The following DLGAP2 variants were observed in gnomAD, a reference collection of about 807,000 sequenced individuals.
The protein encoded by DLGAP2 is disks large-associated protein 2.
DLGAP2 carries 26 observed loss-of-function variants against 100.3 expected under a neutral mutation model. The ratio of observed to expected loss-of-function variants is 0.26; its 90% CI spans 0.19 to 0.36. DLGAP2 has a LOEUF of 0.36. Ranked by LOEUF, DLGAP2 falls within the 10% of genes least tolerant of loss-of-function variation. DLGAP2 has a pLI of 1.00. For missense variants in DLGAP2, 1,858 were observed against 1,453.2 expected (o/e 1.28, Z -4.53); for synonymous variants, 886 against 630.1 (o/e 1.41, Z -6.08).
intron 1 of DLGAP2, among the ~76,000 whole-genome samples, chr8:796,351 C>T (rs142074855): frequency 5.2e-4 from 79 of 152,278 alleles, no homozygotes; most frequent in African/African-American, 1.9e-3. Flanking sequence ...TCTTCTGTCA[C>T]GGCCCCTCCG....
intron 2 of DLGAP2, among the ~76,000 whole-genome samples, chr8:1,229,708 G>T (rs1048138884): frequency 4.6e-5 from 7 of 152,102 alleles, no homozygotes; most frequent in African/African-American, 1.7e-4. Context: ...TGCAAGGTTG[G>T]TTCAGTGCAC....
intron 2 of DLGAP2, among the ~76,000 whole-genome samples, chr8:1,176,742 T>G (rs1797267708): frequency 6.6e-6 from 1 of 152,094 alleles, no homozygotes; most frequent in Non-Finnish European, 1.5e-5. Context: ...CAGCCCCGTC[T>G]GCTGGTCCAG....
intron 2 of DLGAP2, among the ~76,000 whole-genome samples, chr8:1,156,906 C>CT (rs1396065117): frequency 7.2e-5 from 11 of 152,146 alleles, no homozygotes; most frequent in African/African-American, 2.4e-4. Context: ...AAGGCCCTGC[C>CT]GTCCACTCAG....
chr8:1,647,609 C>T (rs1006808884), intron 8 of DLGAP2, among the ~76,000 whole-genome samples: 11 of 150,240 alleles, frequency 7.3e-5, no homozygotes, highest in South Asian at 4.3e-4. Context: ...GAACACATTC[C>T]TATGAGATTC....
chr8:799,893 G>A (rs1437574245), intron 1 of DLGAP2, among the ~76,000 whole-genome samples: 3 of 152,124 alleles, frequency 2.0e-5, no homozygotes, highest in African/African-American at 4.8e-5. Context: ...CACAGCTCCC[G>A]GCCCCTCACT....
chr8:1,274,387 G>A (rs1183140161), intron 3 of DLGAP2, among the ~76,000 whole-genome samples: 1 of 151,980 alleles, frequency 6.6e-6, no homozygotes, highest in African/African-American at 2.4e-5. Flanking sequence ...AAGCCAACAT[G>A]TATAAGAATA....
At chr8:1,209,568 T>C (rs1798062645) in intron 2 of DLGAP2, among the ~76,000 whole-genome samples, 1 of 152,198 alleles carries the variant, frequency 6.6e-6, no homozygotes, top group South Asian at 2.1e-4. Flanking sequence ...TAAATTCCTA[T>C]GTTGAAGCCC....
chr8:1,077,743 C>A (rs1385003231), intron 2 of DLGAP2, among the ~76,000 whole-genome samples: 1 of 152,184 alleles, frequency 6.6e-6, no homozygotes, highest in East Asian at 1.9e-4. Flanking sequence ...GAGAGATTAG[C>A]CCACGCAGTG....
At chr8:1,409,648 T>C (rs1796674608) in intron 3 of DLGAP2, among the ~76,000 whole-genome samples, 1 of 152,216 alleles carries the variant, frequency 6.6e-6, no homozygotes, top group Non-Finnish European at 1.5e-5. Flanking sequence ...TGGTGGTGTT[T>C]CTGGAAGGAC....
intron 3 of DLGAP2, among the ~76,000 whole-genome samples, chr8:1,442,521 G>C (rs1410601902): frequency 1.4e-5 from 2 of 147,062 alleles, no homozygotes; most frequent in African/African-American, 5.1e-5. Context: ...GACCCGCCAG[G>C]CTGCTGTGGG....
chr8:1,071,150 C>G (rs559125461), intron 2 of DLGAP2, among the ~76,000 whole-genome samples: 2 of 152,148 alleles, frequency 1.3e-5, no homozygotes, highest in Non-Finnish European at 2.9e-5. Flanking sequence ...GCCCAGCTGC[C>G]GAGCGGAAGC....
chr8:1,597,510 T>C (rs1166576416), intron 6 of DLGAP2, among the ~76,000 whole-genome samples: 2 of 152,154 alleles, frequency 1.3e-5, no homozygotes, highest in East Asian at 3.8e-4. Flanking sequence ...TCATGGAATG[T>C]TTTTCCATTT....
intron 2 of DLGAP2, among the ~76,000 whole-genome samples, chr8:1,231,486 G>A (rs912482044): frequency 3.3e-5 from 5 of 152,150 alleles, no homozygotes; most frequent in African/African-American, 1.2e-4. Context: ...TACTGGCTAT[G>A]TATCCAAAAG....
intron 3 of DLGAP2, among the ~76,000 whole-genome samples, chr8:1,352,430 TC>T (rs990227914): frequency 2.0e-5 from 3 of 152,112 alleles, no homozygotes; most frequent in African/African-American, 7.2e-5. Flanking sequence ...TACCTGCCCT[TC>T]CCTCCCCTTC....
chr8:1,293,348 C>G (rs1800102542), intron 3 of DLGAP2, among the ~76,000 whole-genome samples: 1 of 152,102 alleles, frequency 6.6e-6, no homozygotes. Context: ...ATGGCTCCTT[C>G]CCTGTGCCTC....
chr8:1,459,829 G>A lies in DLGAP2; in HGVS notation c.107-41537G>A, dbSNP rs976191253. 2.0e-5 allele frequency among the ~76,000 whole-genome samples: 3 copies of A among 151,976 alleles called. No individual in the cohort carries two copies. The East Asian group carries it at 5.8e-4, about 29-fold the overall frequency. ...GCCTCCCGAGTAGCGGGAATTGCAGGTGCGCACCACCACGCCCGGCTAATT... is the reference window on the plus strand; with the variant it reads ...GCCTCCCGAGTAGCGGGAATTGCAGATGCGCACCACCACGCCCGGCTAATT... On this transcript the variant is annotated intron_variant, in intron 3 of 14. Coordinates refer to ENST00000637795, the MANE Select transcript of DLGAP2 (RefSeq NM_001346810.2).
At chr8:1,594,729 A>T (rs2956936) in intron 6 of DLGAP2, among the ~76,000 whole-genome samples, 1 of 151,970 alleles carries the variant, frequency 6.6e-6, no homozygotes, top group African/African-American at 2.4e-5. Context: ...CGGCCAGGTC[A>T]CACTCTCTTA....
chr8:1,596,465 T>C (rs977183886), intron 6 of DLGAP2, among the ~76,000 whole-genome samples: 3 of 152,238 alleles, frequency 2.0e-5, no homozygotes, highest in African/African-American at 4.8e-5. Flanking sequence ...TCCAGAATGG[T>C]TGAACTAACT....
In DLGAP2 at chr8:1,455,971, A is replaced by G. The variant is rs550734920; in HGVS notation, c.107-45395A>G. Among the ~76,000 whole-genome samples the G allele has an allele frequency of 5.9e-5, 9 of 152,308 alleles. No homozygotes were observed. In the East Asian group the frequency reaches 1.7e-3, roughly 29 times the overall value. ...CCCAGCATGTGGTCAGACCCATTAC[A>G]CATCATCTTGTCTTAAAAAGACCTG... On this transcript the variant is annotated intron_variant, in intron 3 of 14. Transcript: ENST00000637795.
Sources: gnomAD v4.1 joint callset for allele counts (sites outside exome capture counted in the v4.1 genomes callset) on GRCh38, gnomAD v4.1.1 for gene constraint, MANE v1.5 for transcripts, NCBI Gene and HGNC (gene_info 2026-07-23, HGNC 2026-07-21) for gene names.